ST6GALNAC3: variants seen among roughly 807,000 people sequenced by gnomAD.
ST6GALNAC3 encodes the protein ST6 N-acetylgalactosaminide alpha-2,6-sialyltransferase 3, also known as alpha-N-acetylgalactosaminide alpha-2,6-sialyltransferase 3.
ST6GALNAC3 carries 25 observed loss-of-function variants against 32.7 expected under a neutral mutation model. The observed-to-expected ratio is 0.76, with a 90% CI of 0.56 to 1.07. The LOEUF is 1.07. Ranked by LOEUF, ST6GALNAC3 falls within the 50% of genes least tolerant of loss-of-function variation. ST6GALNAC3 has a pLI of 0.00. For missense variants in ST6GALNAC3, 355 were observed against 382.4 expected, an observed-to-expected ratio of 0.93 and a Z score of 0.60; for synonymous variants, 129 against 133.1, an observed-to-expected ratio of 0.97 and a Z score of 0.21.
chr1:76,485,678 T>C (rs561361154), intron 3 of ST6GALNAC3, among the ~76,000 whole-genome samples: 2 of 152,246 alleles, frequency 1.3e-5, no homozygotes, highest in Non-Finnish European at 2.9e-5. Flanking sequence ...AACTAGCTCC[T>C]GGATTCATTG....
chr1:76,397,148 T>C (rs928100722), intron 2 of ST6GALNAC3, among the ~76,000 whole-genome samples: 3 of 152,006 alleles, frequency 2.0e-5, no homozygotes, highest in African/African-American at 7.2e-5. Flanking sequence ...AATGAATGAC[T>C]CCAAAGCAAA....
chr1:76,618,351 G>T (rs1648425762), intron 3 of ST6GALNAC3, among the ~76,000 whole-genome samples: 1 of 152,158 alleles, frequency 6.6e-6, no homozygotes, highest in African/African-American at 2.4e-5. Context: ...TCTAGTGTCA[G>T]ACTGTCCTCG....
intron 3 of ST6GALNAC3, among the ~76,000 whole-genome samples, chr1:76,583,718 G>A (rs1646923379): frequency 6.6e-6 from 1 of 152,108 alleles, no homozygotes; most frequent in Non-Finnish European, 1.5e-5. Flanking sequence ...AGATATACTA[G>A]CTACTCTTTC....
At position 76,246,719 on chromosome 1, in the gene ST6GALNAC3, G is replaced by T. The variant is rs146436569; in HGVS notation, c.19-67086G>T. Among the ~76,000 whole-genome samples, 143 of 152,266 alleles carry T rather than the reference G, an allele frequency of 9.4e-4. 1 individual carries two copies. The highest frequency in any genetic ancestry group is 1.7e-3 in the Non-Finnish European group (114 of 68,028). Reference sequence around the variant, plus strand: ...AACAGTTCCTGTAACCTTTTATCAAGGTGCTTAGCTTCCTTGCATTGGGTT... The same window carrying T: ...AACAGTTCCTGTAACCTTTTATCAATGTGCTTAGCTTCCTTGCATTGGGTT... On this transcript the variant is annotated intron_variant, in intron 1 of 4. Transcript: ENST00000328299.
intron 1 of ST6GALNAC3, among the ~76,000 whole-genome samples, chr1:76,138,986 A>G (rs1395151203): frequency 6.6e-6 from 1 of 152,182 alleles, no homozygotes; most frequent in Non-Finnish European, 1.5e-5. Context: ...CGAGGTCAGG[A>G]GATCGAGACC....
At chr1:76,256,095 A>G (rs1209588984) in intron 1 of ST6GALNAC3, among the ~76,000 whole-genome samples, 1 of 152,000 alleles carries the variant, frequency 6.6e-6, no homozygotes, top group Non-Finnish European at 1.5e-5. Context: ...AATTGAAAGT[A>G]TGTGATAGTT....
intron 3 of ST6GALNAC3, among the ~76,000 whole-genome samples, chr1:76,477,248 C>A (rs1659412568): frequency 6.6e-6 from 1 of 151,762 alleles, no homozygotes; most frequent in African/African-American, 2.4e-5. Context: ...TTGGTGAATA[C>A]CATATTATGT....
At chr1:76,555,931 T>C (rs1049053333) in intron 3 of ST6GALNAC3, among the ~76,000 whole-genome samples, 2 of 152,066 alleles carry the variant, frequency 1.3e-5, no homozygotes, top group African/African-American at 4.8e-5. Flanking sequence ...TGATACTGTG[T>C]TTTTTAGTGT....
At chr1:76,387,668 TTAA>T (rs1206222823) in intron 2 of ST6GALNAC3, among the ~76,000 whole-genome samples, 2 of 152,130 alleles carry the variant, frequency 1.3e-5, no homozygotes, top group African/African-American at 4.8e-5. Context: ...TTATTTTGTC[TTAA>T]TAATAATAAT....
chr1:76,284,200 A>T (rs962468318), intron 1 of ST6GALNAC3, among the ~76,000 whole-genome samples: 2 of 152,236 alleles, frequency 1.3e-5, no homozygotes, highest in Non-Finnish European at 2.9e-5. Context: ...ATTAGAAGGT[A>T]AATGTATGTT....
chr1:76,245,568 A>G (rs1005510446), intron 1 of ST6GALNAC3, among the ~76,000 whole-genome samples: 9 of 152,014 alleles, frequency 5.9e-5, no homozygotes, highest in African/African-American at 1.4e-4. Flanking sequence ...TGGGCATTTA[A>G]TGGTATAAAT....
chr1:76,372,676 C>T (rs900265635), intron 2 of ST6GALNAC3, among the ~76,000 whole-genome samples: 1 of 152,118 alleles, frequency 6.6e-6, no homozygotes, highest in Non-Finnish European at 1.5e-5. Flanking sequence ...ATTTAAATTA[C>T]CACTGAAGGC....
chr1:76,203,000 G>A (rs1399952494), intron 1 of ST6GALNAC3, among the ~76,000 whole-genome samples: 2 of 152,186 alleles, frequency 1.3e-5, no homozygotes, highest in Admixed American at 1.3e-4. Flanking sequence ...TGATTAATTT[G>A]TGGGGAGTTG....
rs565181129 is a variant in ST6GALNAC3 at position 76,309,608 on chromosome 1, T to C, written c.19-4197T>C. 2.0e-4 allele frequency among the ~76,000 whole-genome samples: 30 copies of C among 152,264 alleles called. No homozygotes were observed. In the South Asian group the frequency reaches 6.2e-3, roughly 32 times the overall value. On this transcript the variant is annotated intron_variant, in intron 1 of 4. Transcript: ENST00000328299. ...TGTCATCTGGAGCACACAGTGTACT[T>C]GAAGGTATGCCTTTTCTAGTGGAAT...
intron 2 of ST6GALNAC3, among the ~76,000 whole-genome samples, chr1:76,393,642 A>G (rs1047760315): frequency 5.9e-5 from 9 of 152,218 alleles, no homozygotes; most frequent in Non-Finnish European, 1.3e-4. Context: ...AGCTAAAACG[A>G]AAACAGAATG....
intron 3 of ST6GALNAC3, among the ~76,000 whole-genome samples, chr1:76,608,597 ATGTG>A (rs60960904): frequency 0.17 from 23,575 of 134,770 alleles, 1,933 homozygotes; most frequent in East Asian, 0.24. Context: ...TGAGCTGGAA[ATGTG>A]TGTGTGTGTG....
intron 3 of ST6GALNAC3, among the ~76,000 whole-genome samples, chr1:76,612,471 G>A (rs1054248653): frequency 2.6e-5 from 4 of 152,160 alleles, no homozygotes; most frequent in Admixed American, 1.3e-4. Flanking sequence ...TCATATCCTG[G>A]AGAATGAGGT....
intron 3 of ST6GALNAC3, among the ~76,000 whole-genome samples, chr1:76,614,470 A>G (rs758915144): frequency 3.3e-5 from 5 of 152,316 alleles, no homozygotes; most frequent in Admixed American, 1.3e-4. Context: ...CTGTAATCCC[A>G]GCACTTTGGG....
chr1:76,129,349 G>C (rs1443838535), intron 1 of ST6GALNAC3, among the ~76,000 whole-genome samples: 1 of 152,082 alleles, frequency 6.6e-6, no homozygotes, highest in Non-Finnish European at 1.5e-5. Context: ...GGAGTGGTTG[G>C]GTACACAGAT....
Sources: allele counts gnomAD v4.1 joint callset (sites outside exome capture counted in the v4.1 genomes callset), GRCh38; gene constraint gnomAD v4.1.1; transcripts MANE v1.5; gene names NCBI Gene and HGNC (gene_info 2026-07-23, HGNC 2026-07-21).